Variants in ROBO3 observed in about 807,000 individuals in gnomAD.
ROBO3 encodes the protein roundabout guidance receptor 3.
A neutral mutation model predicts 160.5 loss-of-function variants in ROBO3; 97 were observed. The observed-to-expected ratio is 0.60, with a 90% CI of 0.51 to 0.72. The LOEUF is 0.72. Among genes scored for constraint, ROBO3 ranks in the 30% least tolerant of loss-of-function variants. The pLI, the probability that ROBO3 is intolerant of heterozygous loss-of-function variation, is 0.00. For missense variants in ROBO3, 1,858 were observed against 1,846.5 expected (o/e 1.01, Z -0.11); for synonymous variants, 780 against 746.2 (o/e 1.05, Z -0.74).
At position 124,865,596 on chromosome 11, in the gene ROBO3, A is replaced by G; in HGVS notation, c.19A>G (p.Lys7Glu). The change falls in exon 1 of 28, where the codon AAA becomes GAA. Residue 7 changes from lysine (K) to glutamate (E), a missense_variant. Physicochemically the swap from Lys to Glu is moderately conservative, Grantham distance 56 (BLOSUM62 1). Coordinates refer to ENST00000397801, the MANE Select transcript of ROBO3 (RefSeq NM_022370.4). The surrounding 1 kb of genome is among the most constrained non-coding windows in gnomAD (Gnocchi z 5.5). Reference sequence around the variant, plus strand: ...TCGAGCCATGCTGCGCTACCTGCTGAAAACGCTGCTGCAGATGAACTTGTT... The same window carrying G: ...TCGAGCCATGCTGCGCTACCTGCTGGAAACGCTGCTGCAGATGAACTTGTT... MLRYLL[K>E]TLLQMNLFAD... 6.2e-7 allele frequency: 1 copy of G among 1,612,392 alleles called. No homozygotes were observed. Among genetic ancestry groups the G allele is most frequent in the Non-Finnish European group, 8.5e-7 (1 of 1,179,744 alleles).
chr11:124,879,882 C>T lies in ROBO3; in HGVS notation c.3892C>T (p.Arg1298Cys), dbSNP rs370708381. 34 of 1,612,216 alleles carry T rather than the reference C, an allele frequency of 2.1e-5. No individual in the cohort carries two copies. Among genetic ancestry groups the T allele is most frequent in the South Asian group, 1.7e-4 (15 of 90,676 alleles). ...AGSMSSLERE[R>C]SGERKAVQAV... ...CAGCATGTCCTCCCTGGAGCGGGAG[C>T]GCAGTGGGGAGAGGAAAGCGGTCCA... Residue 1298 changes from arginine (R) to cysteine (C), a missense_variant, in exon 26 of 28, where the codon CGC (arginine) becomes TGC (cysteine). Physicochemically the swap from Arg to Cys is radical, Grantham distance 180. Transcript: ENST00000397801.
At position 124,870,708 on chromosome 11, in the gene ROBO3, C is replaced by T; in HGVS notation, c.1013C>T (p.Ser338Phe). The T allele has an allele frequency of 6.2e-7, 1 of 1,612,080 alleles. No individual in the cohort carries two copies. Among genetic ancestry groups the T allele is most frequent in the Non-Finnish European group, 8.5e-7 (1 of 1,179,206 alleles). Residue 338 changes from serine to phenylalanine, a missense_variant, in exon 6 of 28, where the codon TCT becomes TTT. Transcript: ENST00000397801. ...AACAGTGTGGGCCGCGCTGAAGCAT[C>T]TGGCTCCCTCAGTGTTCACGGTGAG... ...AENSVGRAEASGSLSVHVPPQ... is the reference protein window; with the variant it reads ...AENSVGRAEAFGSLSVHVPPQ...
chr11:124,870,506 T>C, intron 5 of ROBO3, 95 bp from the exon 6 acceptor site: 4 of 1,576,002 alleles, frequency 2.5e-6, no homozygotes, highest in African/African-American at 1.3e-5. Flanking sequence ...GGGTCCTGCC[T>C]GTCTTTAAGT....
In ROBO3 at chr11:124,874,300, C is replaced by A. The variant is rs1231168543; in HGVS notation, c.1951+64C>A. On this transcript the variant is annotated intron_variant, in intron 12 of 27. Transcript: ENST00000397801. ...AACATCATAAAGCAACCCTCTCCCC[C>A]AAAACCATGACACCACGGCAGTTCA... 3.4e-6 allele frequency: 5 copies of A among 1,463,242 alleles called. No individual in the cohort carries two copies. The South Asian group carries it at 3.8e-5, about 11-fold the overall frequency. 90.6% of individuals were successfully genotyped at this position (1,463,242 alleles called of 1,614,324 possible). A position where few individuals can be genotyped will look rare whatever the true frequency, so the allele number is the denominator to read the frequency against.
intron 23 of ROBO3, 135 bp from the exon 24 acceptor site, chr11:124,879,055 G>GC (rs1483511044): frequency 8.4e-6 from 9 of 1,065,780 alleles, no homozygotes; most frequent in Non-Finnish European, 4.1e-6. Flanking sequence ...TGCTTCTCTA[G>GC]CTTGGGAGGA....
Position 124,875,305 on chromosome 11 carries a change from C to T in ROBO3, c.2268C>T (p.Ser756=). 6.2e-7 allele frequency: 1 copy of T among 1,613,208 alleles called. No homozygotes were observed. The highest frequency in any genetic ancestry group is 8.5e-7 in the Non-Finnish European group (1 of 1,179,728). ...AQGQEGLGAE[S]LSVTRSIPEE... is the part of the protein sequence containing the mutation. ...GCCAGGAGGGGCTGGGGGCTGAAAG[C>T]CTCTCTGTGACCAGGAGCATTCCTG... The change falls in exon 14 of 28, where the codon AGC becomes AGT. Residue 756 remains serine, a synonymous_variant. Coordinates refer to ENST00000397801, the MANE Select transcript of ROBO3 (RefSeq NM_022370.4).
chr11:124,879,358 T>A lies in ROBO3; in HGVS notation c.3685+17T>A. 1.2e-6 allele frequency: 2 copies of A among 1,607,090 alleles called. No homozygotes were observed. Among genetic ancestry groups the A allele is most frequent in the Non-Finnish European group, 1.7e-6 (2 of 1,175,360 alleles). On this transcript the variant is annotated intron_variant, in intron 24 of 27. Transcript: ENST00000397801. ...GTGCCCCAGGTAAGTCTCTACAACC[T>A]CCTTTTGCCCCCCGGCTCCCTCCAG...
Position 124,878,187 on chromosome 11 carries a change from G to A in ROBO3, c.3181+56G>A. On this transcript the variant is annotated intron_variant, in intron 21 of 27. Transcript: ENST00000397801. This position sits in a 1 kb window ranked among gnomAD's most constrained non-coding sequence, Gnocchi z 4.3. Reference sequence around the variant, plus strand: ...GCCCTGACCAGGGTATCCCCAAAGAGGATCCTCCTCCCTGACCCTCTGGCA... The same window carrying A: ...GCCCTGACCAGGGTATCCCCAAAGAAGATCCTCCTCCCTGACCCTCTGGCA... 6.4e-7 allele frequency: 1 copy of A among 1,569,288 alleles called. No individual in the cohort carries two copies. The highest frequency in any genetic ancestry group is 8.7e-7 in the Non-Finnish European group (1 of 1,153,652).
rs751559317 is a variant in ROBO3 at position 124,877,931 on chromosome 11, C to T, written c.2987-6C>T. The T allele has an allele frequency of 8.2e-6, 13 of 1,587,590 alleles. No individual in the cohort carries two copies. Among genetic ancestry groups the T allele is most frequent in the Admixed American group, 1.7e-5 (1 of 57,672 alleles). On this transcript the variant is annotated splice_region_variant and splice_polypyrimidine_tract_variant and intron_variant, in intron 20 of 27. Transcript: ENST00000397801. ...GCTTCCGGGCCTCCCTCTTTCTTCT[C>T]TGCAGAAGCGGGAATCTCCCTGTAT...
At position 124,876,312 on chromosome 11, in the gene ROBO3, C is replaced by A. The variant is rs762973147; in HGVS notation, c.2631C>A (p.Gly877=). 1.8e-5 allele frequency: 26 copies of A among 1,448,702 alleles called. No individual in the cohort carries two copies. The highest frequency in any genetic ancestry group is 2.2e-5 in the Non-Finnish European group (25 of 1,113,266). The allele number at this position is 1,448,702 out of a possible 1,614,324, so 89.7% of individuals were successfully genotyped here. ...ACCTGGAGCCCGGGCTGGAGGTGGG[C>A]GCGGGGCTGGCGGTGCGGCTGGCGA... is the stretch of plus-strand genomic sequence containing the variant. ...PPDLEPGLEV[G]AGLAVRLARV... is the part of the protein sequence containing the mutation. The change falls in exon 17 of 28, where the codon GGC becomes GGA. Residue 877 remains glycine (G), a synonymous_variant. Transcript: ENST00000397801. This position sits in a 1 kb window ranked among gnomAD's most constrained non-coding sequence, Gnocchi z 5.3.
At position 124,868,941 on chromosome 11, in the gene ROBO3, C is replaced by G. The variant is rs750665422; in HGVS notation, c.300C>G (p.Asn100Lys). 1.2e-6 allele frequency: 2 copies of G among 1,606,446 alleles called. No individual in the cohort carries two copies. The highest frequency in any genetic ancestry group is 2.7e-5 in the African/African-American group (2 of 74,850). The change falls in exon 2 of 28, where the codon AAC becomes AAG. Residue 100 changes from asparagine (N) to lysine (K), a missense_variant. Physicochemically the swap from Asn to Lys is moderately conservative, Grantham distance 94. Transcript: ENST00000397801. Reference sequence around the variant, plus strand: ...GACCCAACATTGAGTGGTACAAGAACGGGGCGCGTGTGGCCACTGTGCGGG... The same window carrying G: ...GACCCAACATTGAGTGGTACAAGAAGGGGGCGCGTGTGGCCACTGTGCGGG... ...RPRPNIEWYKNGARVATVRED... is the reference protein window; with the variant it reads ...RPRPNIEWYKKGARVATVRED...
In ROBO3 at chr11:124,869,066, C is replaced by T; in HGVS notation, c.425C>T (p.Thr142Ile). The change falls in exon 2 of 28, where the codon ACT becomes ATT. Residue 142 changes from threonine to isoleucine, a missense_variant. Physicochemically the swap from Thr to Ile is moderately conservative, Grantham distance 89 (BLOSUM62 -1). Transcript: ENST00000397801. This position sits in a 1 kb window ranked among gnomAD's most constrained non-coding sequence, Gnocchi z 4.2. ...GCGCGGCCGGACGAAGGTGTCTACA[C>T]TTGCGTGGCTCGCAACTACCTGGGG... The part of the protein sequence containing the change: ...RRARPDEGVY[T>I]CVARNYLGAA... 6.3e-7 allele frequency: 1 copy of T among 1,599,542 alleles called. No homozygotes were observed. The highest frequency in any genetic ancestry group is 8.5e-7 in the Non-Finnish European group (1 of 1,173,068).
Position 124,876,162 on chromosome 11 carries a change from G to C in ROBO3, c.2593+37G>C, listed in dbSNP as rs761863900. ...CGAGGGCAGTGCTGAGGATCTTGAC[G>C]GGGGCGGGGCAAGCCCCCCACTGGG... On this transcript the variant is annotated intron_variant, in intron 16 of 27. Coordinates refer to ENST00000397801, the MANE Select transcript of ROBO3 (RefSeq NM_022370.4). This position sits in a 1 kb window ranked among gnomAD's most constrained non-coding sequence, Gnocchi z 5.3. The C allele has an allele frequency of 3.8e-6, 6 of 1,564,214 alleles. No homozygotes were observed. The highest frequency in any genetic ancestry group is 1.3e-5 in the African/African-American group (1 of 74,142).
In ROBO3 at chr11:124,876,016, C is replaced by A; in HGVS notation, c.2484C>A (p.Arg828=). The change falls in exon 16 of 28, where the codon CGC becomes CGA. Residue 828 remains arginine, a synonymous_variant. Coordinates refer to ENST00000397801, the MANE Select transcript of ROBO3 (RefSeq NM_022370.4). This position sits in a 1 kb window ranked among gnomAD's most constrained non-coding sequence, Gnocchi z 5.3. ...HLNRSAAGWA[R]SAMLRGLVPG... ...ATCGATCTGCAGCAGGCTGGGCACG[C>A]TCCGCAATGCTCCGAGGACTGGTGC... 2 of 1,601,694 alleles carry A rather than the reference C, an allele frequency of 1.2e-6. No homozygotes were observed. The highest frequency in any genetic ancestry group is 1.7e-6 in the Non-Finnish European group (2 of 1,174,678).
Position 124,873,182 on chromosome 11 carries a change from T to A in ROBO3, c.1536+93T>A. 1 of 1,431,030 alleles carries A rather than the reference T, an allele frequency of 7.0e-7. No individual in the cohort carries two copies. Among genetic ancestry groups the A allele is most frequent in the Non-Finnish European group, 9.7e-7 (1 of 1,034,486 alleles). 88.6% of individuals were successfully genotyped at this position (1,431,030 alleles called of 1,614,324 possible). ...AGTACTCACTGGGCCTGTAGCCCCA[T>A]CTTTACCCCTCTGTTCTCTCAGAGC... On this transcript the variant is annotated intron_variant, in intron 9 of 27. Coordinates refer to ENST00000397801, the MANE Select transcript of ROBO3 (RefSeq NM_022370.4). This position sits in a 1 kb window ranked among gnomAD's most constrained non-coding sequence, Gnocchi z 4.5.
Position 124,873,676 on chromosome 11 carries a change from A to G in ROBO3, c.1619-21A>G, listed in dbSNP as rs772995320. ...TTATCCTTTCCCTATCTTTCTACTT[A>G]AAGATTATCTCCCACTGCAGAAGAC... On this transcript the variant is annotated intron_variant, in intron 10 of 27. Transcript: ENST00000397801. The surrounding 1 kb of genome is among the most constrained non-coding windows in gnomAD (Gnocchi z 4.5). 3 of 1,592,898 alleles carry G rather than the reference A, an allele frequency of 1.9e-6. No individual in the cohort carries two copies. The highest frequency in any genetic ancestry group is 1.1e-5 in the South Asian group (1 of 88,900).
chr11:124,868,996 C>T lies in ROBO3; in HGVS notation c.355C>T (p.Pro119Ser), dbSNP rs750577330. The T allele has an allele frequency of 1.3e-6, 2 of 1,599,332 alleles. No homozygotes were observed. The highest frequency in any genetic ancestry group is 4.5e-5 in the East Asian group (2 of 44,234). The change falls in exon 2 of 28, where the codon CCC becomes TCC. Residue 119 changes from proline to serine, a missense_variant. Pro to Ser is a moderately conservative substitution (Grantham distance 74). Transcript: ENST00000397801. ...TCCGCGTGCGCACCGCCTGCTGCTG[C>T]CCAGCGGCGCCCTCTTCTTCCCGCG... Reference protein sequence around the residue: ...EDPRAHRLLLPSGALFFPRIV... With the variant: ...EDPRAHRLLLSSGALFFPRIV...
Position 124,876,655 on chromosome 11 carries a change from C to A in ROBO3, c.2779+195C>A. 2.0e-6 allele frequency: 1 copy of A among 498,774 alleles called. No homozygotes were observed. Among genetic ancestry groups the A allele is most frequent in the Non-Finnish European group, 3.4e-6 (1 of 293,844 alleles). 30.9% of individuals were successfully genotyped at this position (498,774 alleles called of 1,614,324 possible). On this transcript the variant is annotated intron_variant, in intron 17 of 27. Transcript: ENST00000397801. This position sits in a 1 kb window ranked among gnomAD's most constrained non-coding sequence, Gnocchi z 5.3. The stretch of plus-strand genomic sequence containing the variant: ...GCCAGGACTAGGGAGGGCTGCGGGC[C>A]AAGACGGGGCGGGATCTGGATGACG...
chr11:124,870,980 C>G, intron 6 of ROBO3, 34 bp from the exon 7 acceptor site: 1 of 1,595,704 alleles, frequency 6.3e-7, no homozygotes, highest in Non-Finnish European at 8.6e-7. Context: ...GTGCCTCTGA[C>G]TACCTGTTCC....
Sources: gnomAD v4.1 joint callset for allele counts on GRCh38, gnomAD v4.1.1 for gene constraint, Gnocchi (gnomAD v3.1) non-coding constraint, MANE v1.5 for transcripts, NCBI Gene and HGNC (gene_info 2026-07-23, HGNC 2026-07-21) for gene names.